ZNF141: variants seen among roughly 807,000 people sequenced by gnomAD.
ZNF141 encodes the protein zinc finger protein 141.
A neutral mutation model predicts 11.3 loss-of-function variants in ZNF141; 7 were observed. The observed-to-expected ratio is 0.62, with a 90% CI of 0.35 to 1.16. The LOEUF is 1.16. ZNF141 is among the 50% of genes most tolerant of loss of function. The pLI, the probability that ZNF141 is intolerant of heterozygous loss-of-function variation, is 0.02. For missense variants in ZNF141, 535 were observed against 554.0 expected, an observed-to-expected ratio of 0.97 and a Z score of 0.34; for synonymous variants, 183 against 190.7, an observed-to-expected ratio of 0.96 and a Z score of 0.33.
At chr4:358,185 T>TC in intron 3 of ZNF141, 1 of 214,378 alleles carries the variant, frequency 4.7e-6, no homozygotes, top group Non-Finnish European at 9.4e-6. Flanking sequence ...TTCTCGTTCT[T>TC]TTTTTTTTTT....
At position 343,914 on chromosome 4, in the gene ZNF141, G is replaced by A. The variant is rs781786729; in HGVS notation, c.130+6G>A. On this transcript the variant is annotated splice_donor_region_variant and intron_variant, in intron 2 of 3. Transcript: ENST00000240499. ...CAGGAACCTGGTCTCCCTGGGTGAG[G>A]ATAACTTCAATACATAATTCCTAAT... is the stretch of plus-strand genomic sequence containing the variant. The A allele has an allele frequency of 2.1e-5, 33 of 1,589,974 alleles. No individual in the cohort carries two copies. The highest frequency in any genetic ancestry group is 2.8e-5 in the Non-Finnish European group (33 of 1,174,380).
In ZNF141 at chr4:381,536, G is replaced by A. The variant is rs1025581710; in HGVS notation, c.*7674G>A. On this transcript the variant is annotated 3_prime_UTR_variant, in exon 4 of 4. Coordinates refer to ENST00000240499, the MANE Select transcript of ZNF141 (RefSeq NM_003441.4). ...CAATTTGCCTGCCTCAGCCCCCTGA[G>A]TAGCTGGGACTAACAGGTGCGCCCC... 6.6e-6 allele frequency among the ~76,000 whole-genome samples: 1 copy of A among 150,684 alleles called. No homozygotes were observed. Among genetic ancestry groups the A allele is most frequent in the Non-Finnish European group, 1.5e-5 (1 of 67,874 alleles).
chr4:350,052 C>A, intron 3 of ZNF141: 1 of 486,040 alleles, frequency 2.1e-6, no homozygotes, highest in Non-Finnish European at 4.3e-6. Flanking sequence ...GCCTCCAGGG[C>A]CATGGCTGGG....
At position 382,975 on chromosome 4, in the gene ZNF141, A is replaced by T; in HGVS notation, c.*9113A>T. 1 of 518,814 alleles carries T rather than the reference A, an allele frequency of 1.9e-6. No homozygotes were observed. Among genetic ancestry groups the T allele is most frequent in the South Asian group, 3.0e-5 (1 of 32,988 alleles). 32.1% of individuals were successfully genotyped at this position (518,814 alleles called of 1,614,324 possible). ...GGAAATGGCTTTTATAGTCGTTCCT[A>T]TCAAGAGACAGATTCTGTTTCCCAA... On this transcript the variant is annotated 3_prime_UTR_variant, in exon 4 of 4. Transcript: ENST00000240499.
intron 3 of ZNF141, among the ~76,000 whole-genome samples, chr4:357,201 G>C (rs541408945): frequency 6.6e-6 from 1 of 152,072 alleles, no homozygotes; most frequent in Non-Finnish European, 1.5e-5. Flanking sequence ...TCAAGCACTT[G>C]ATTTGACCTC....
Position 374,579 on chromosome 4 carries a change from A to G in ZNF141, c.*717A>G, listed in dbSNP as rs1712270089. On this transcript the variant is annotated 3_prime_UTR_variant, in exon 4 of 4. Transcript: ENST00000240499. ...ACGTGGCAGAGCCTTCAGACCATCCACAAACCTTTATGAAAATTCATATTT... is the reference window on the plus strand; with the variant it reads ...ACGTGGCAGAGCCTTCAGACCATCCGCAAACCTTTATGAAAATTCATATTT... The G allele has an allele frequency of 6.2e-6, 1 of 161,916 alleles. No individual in the cohort carries two copies. Among genetic ancestry groups the G allele is most frequent in the Non-Finnish European group, 1.4e-5 (1 of 72,924 alleles). 10.0% of individuals were successfully genotyped at this position (161,916 alleles called of 1,614,324 possible). A position where few individuals can be genotyped will look rare whatever the true frequency, so the allele number is the denominator to read the frequency against.
intron 3 of ZNF141, among the ~76,000 whole-genome samples, chr4:352,318 C>T (rs1721643014): frequency 6.6e-6 from 1 of 152,108 alleles, no homozygotes; most frequent in Non-Finnish European, 1.5e-5. Context: ...ACCCGGGAGG[C>T]GGAGGCTGCA....
chr4:356,000 A>AGGC (rs1721822045), intron 3 of ZNF141, among the ~76,000 whole-genome samples: 1 of 152,084 alleles, frequency 6.6e-6, no homozygotes, highest in Non-Finnish European at 1.5e-5. Flanking sequence ...TGGGAGGCTG[A>AGGC]GGCGGGTGGA....
rs189649713 is a variant in ZNF141 at position 377,315 on chromosome 4, T to G, written c.*3453T>G. Among the ~76,000 whole-genome samples, 168 of 152,238 alleles carry G rather than the reference T, an allele frequency of 1.1e-3. 2 individuals carry two copies. The highest frequency in any genetic ancestry group is 3.8e-3 in the African/African-American group (158 of 41,544). On this transcript the variant is annotated 3_prime_UTR_variant, in exon 4 of 4. Coordinates refer to ENST00000240499, the MANE Select transcript of ZNF141 (RefSeq NM_003441.4). ...TAATTAGCCATAAATATTCCTGGAG[T>G]TAGTTTGTAGCTCCAAGTAAGAGAT...
intron 3 of ZNF141, among the ~76,000 whole-genome samples, chr4:364,716 G>T (rs1051918650): frequency 7.2e-5 from 11 of 152,168 alleles, no homozygotes; most frequent in African/African-American, 2.4e-4. Flanking sequence ...GTCCCAGAGG[G>T]TCACCTGCCT....
intron 3 of ZNF141, among the ~76,000 whole-genome samples, chr4:351,150 C>T (rs566303108): frequency 9.9e-5 from 15 of 152,112 alleles, no homozygotes; most frequent in East Asian, 5.8e-4. Flanking sequence ...TGCTTTGTGC[C>T]GTGACTGGAA....
rs1712477451 is a variant in ZNF141 at position 378,644 on chromosome 4, A to G, written c.*4782A>G. 6.6e-6 allele frequency among the ~76,000 whole-genome samples: 1 copy of G among 152,078 alleles called. No homozygotes were observed. The highest frequency in any genetic ancestry group is 1.5e-5 in the Non-Finnish European group (1 of 68,016). ...TGATCTCTGTAGATTCAAAATCTGC[A>G]CTGATCTTTTTTGTCCAGATTCATA... On this transcript the variant is annotated 3_prime_UTR_variant, in exon 4 of 4. Transcript: ENST00000240499.
intron 3 of ZNF141, among the ~76,000 whole-genome samples, chr4:347,038 T>TC (rs1721360272): frequency 8.1e-6 from 1 of 123,150 alleles, no homozygotes; most frequent in Non-Finnish European, 1.7e-5. Context: ...CTAGTTTTAT[T>TC]CTTTTTTTTT....
chr4:343,300 C>T lies in ZNF141; in HGVS notation c.4-482C>T, dbSNP rs1384604734. ...GCAACAGAAACTCTTGGAATGCCAT[C>T]CTTTTTCTGCAGAGCTATAGAATAC... On this transcript the variant is annotated intron_variant, in intron 1 of 3. Coordinates refer to ENST00000240499, the MANE Select transcript of ZNF141 (RefSeq NM_003441.4). Among the ~76,000 whole-genome samples, 8 of 152,228 alleles carry T rather than the reference C, an allele frequency of 5.3e-5. No homozygotes were observed. In the East Asian group the frequency reaches 1.5e-3, roughly 29 times the overall value.
At chr4:349,742 G>T (rs1026258458) in intron 3 of ZNF141, among the ~76,000 whole-genome samples, 2 of 152,180 alleles carry the variant, frequency 1.3e-5, no homozygotes, top group African/African-American at 2.4e-5. Flanking sequence ...TTTGATGATT[G>T]TATTACCAGA....
At chr4:361,278 G>A (rs1463375200) in intron 3 of ZNF141, among the ~76,000 whole-genome samples, 1 of 150,038 alleles carries the variant, frequency 6.7e-6, no homozygotes, top group Non-Finnish European at 1.5e-5. Flanking sequence ...ACTTTTGGCT[G>A]ATTTTTATAT....
Position 379,806 on chromosome 4 carries a change from A to G in ZNF141, c.*5944A>G, listed in dbSNP as rs1553855208. On this transcript the variant is annotated 3_prime_UTR_variant, in exon 4 of 4. Coordinates refer to ENST00000240499, the MANE Select transcript of ZNF141 (RefSeq NM_003441.4). Reference sequence around the variant, plus strand: ...AAAATATATTTGTTAATTGACAGATAAAATATCCTGTAGAATATGGTGTTT... The same window carrying G: ...AAAATATATTTGTTAATTGACAGATGAAATATCCTGTAGAATATGGTGTTT... 6.6e-6 allele frequency among the ~76,000 whole-genome samples: 1 copy of G among 152,262 alleles called. No homozygotes were observed. Among genetic ancestry groups the G allele is most frequent in the South Asian group, 2.1e-4 (1 of 4,838 alleles).
chr4:350,992 G>A (rs1429821128), intron 3 of ZNF141, among the ~76,000 whole-genome samples: 2 of 150,666 alleles, frequency 1.3e-5, no homozygotes, highest in South Asian at 2.1e-4. Context: ...CTCATGATCC[G>A]TCCACCTCAG....
chr4:384,539 T>C lies in ZNF141; in HGVS notation c.*10677T>C, dbSNP rs1712825862. The C allele has an allele frequency of 6.6e-6, 1 of 152,224 alleles. No homozygotes were observed. Among genetic ancestry groups the C allele is most frequent in the Admixed American group, 6.5e-5 (1 of 15,288 alleles). The allele number at this position is 152,224 out of a possible 1,614,324, so 9.4% of individuals were successfully genotyped here. A position where few individuals can be genotyped will look rare whatever the true frequency, so the allele number is the denominator to read the frequency against. ...GTGTAATGAATCAACCTAAATGTCATTAACTTGACCCAGCTCCTTATAATG... is the reference window on the plus strand; with the variant it reads ...GTGTAATGAATCAACCTAAATGTCACTAACTTGACCCAGCTCCTTATAATG... On this transcript the variant is annotated 3_prime_UTR_variant, in exon 4 of 4. Transcript: ENST00000240499.
Sources: gnomAD v4.1 joint callset for allele counts (sites outside exome capture counted in the v4.1 genomes callset) on GRCh38, gnomAD v4.1.1 for gene constraint, MANE v1.5 for transcripts, NCBI Gene and HGNC (gene_info 2026-07-23, HGNC 2026-07-21) for gene names.